Variants in LCA5 observed in about 807,000 individuals in gnomAD.
LCA5 encodes lebercilin LCA5.
A neutral mutation model predicts 53.0 loss-of-function variants in LCA5; 37 were observed. That is an observed-to-expected ratio of 0.70 (90% CI 0.54 to 0.92). LCA5 has a LOEUF of 0.92. LCA5 is among the 40% of genes least tolerant of loss of function. The probability of loss-of-function intolerance (pLI) is 0.00; values close to 1 mark genes in which losing one functional copy is unlikely to be tolerated. For missense variants in LCA5, 806 were observed against 790.5 expected, an observed-to-expected ratio of 1.02 and a Z score of -0.23; for synonymous variants, 303 against 282.9, an observed-to-expected ratio of 1.07 and a Z score of -0.71.
At chr6:79,514,501 C>G (rs924425171) in intron 2 of LCA5, among the ~76,000 whole-genome samples, 1 of 152,052 alleles carries the variant, frequency 6.6e-6, no homozygotes, top group Non-Finnish European at 1.5e-5. Flanking sequence ...CCCAGCAATT[C>G]CATTACTGGG....
chr6:79,490,675 AAAAT>A (rs1029914053), intron 6 of LCA5, among the ~76,000 whole-genome samples: 1 of 152,154 alleles, frequency 6.6e-6, no homozygotes, highest in African/African-American at 2.4e-5. Context: ...TTATCAAACA[AAAAT>A]AAATAAACAA....
At chr6:79,518,620 TA>T in intron 2 of LCA5, 84 bp downstream of exon 2, 1 of 1,233,724 alleles carries the variant, frequency 8.1e-7, no homozygotes, top group Non-Finnish European at 1.2e-6. Context: ...TATATACTAA[TA>T]AAAGAGTATC....
chr6:79,513,148 G>C (rs1198519647), intron 3 of LCA5, 64 bp downstream of exon 3: 1 of 1,439,800 alleles, frequency 6.9e-7, no homozygotes, highest in South Asian at 1.1e-5. Flanking sequence ...TTTTAAGAGA[G>C]CACATTAAAT....
intron 1 of LCA5, among the ~76,000 whole-genome samples, chr6:79,519,964 A>AT (rs1766579778): frequency 6.6e-6 from 1 of 152,052 alleles, no homozygotes; most frequent in Admixed American, 6.6e-5. Flanking sequence ...ATTATTAAAG[A>AT]TTTTTCGAAA....
At chr6:79,511,539 CTTGA>C (rs1770409943) in intron 3 of LCA5, among the ~76,000 whole-genome samples, 1 of 152,056 alleles carries the variant, frequency 6.6e-6, no homozygotes. Context: ...TGGTCTATAT[CTTGA>C]TTATGTTGGT....
chr6:79,530,692 A>T (rs1766933333), intron 1 of LCA5, among the ~76,000 whole-genome samples: 1 of 152,154 alleles, frequency 6.6e-6, no homozygotes, highest in Non-Finnish European at 1.5e-5. Flanking sequence ...TAACAACCCA[A>T]ATAACTTAAC....
intron 1 of LCA5, among the ~76,000 whole-genome samples, chr6:79,532,599 G>A (rs1317062108): frequency 3.3e-5 from 5 of 152,106 alleles, no homozygotes; most frequent in African/African-American, 1.2e-4. Flanking sequence ...CTTAGTACTT[G>A]CTGCACTAAT....
chr6:79,491,748 T>G lies in LCA5; in HGVS notation c.956-18A>C. ...GCATGCAGCTACAGTGAAAATTATT[T>G]TTAAAAAATTATTACAATGAATAAT... On this transcript the variant is annotated intron_variant, in intron 5 of 7. Coordinates refer to ENST00000369846, the MANE Select transcript of LCA5 (RefSeq NM_001122769.3). 6.2e-7 allele frequency: 1 copy of G among 1,608,402 alleles called. No individual in the cohort carries two copies. The highest frequency in any genetic ancestry group is 8.5e-7 in the Non-Finnish European group (1 of 1,176,088).
chr6:79,519,115 A>C, intron 1 of LCA5, 30 bp from the exon 2 acceptor site: 1 of 591,320 alleles, frequency 1.7e-6, no homozygotes, highest in Non-Finnish European at 3.0e-6. Context: ...AAGGAGACTT[A>C]TCATACAGTC....
chr6:79,518,947 A>G lies in LCA5; in HGVS notation c.-53T>C. ...TAATTTCACAGATTATTTTCTCCAGAGGAGACTATGACAATACTGAAAAAC... is the reference window on the plus strand; with the variant it reads ...TAATTTCACAGATTATTTTCTCCAGGGGAGACTATGACAATACTGAAAAAC... On this transcript the variant is annotated 5_prime_UTR_variant, in exon 2 of 8. Transcript: ENST00000369846. 3.9e-6 allele frequency: 6 copies of G among 1,526,758 alleles called. No individual in the cohort carries two copies. The highest frequency in any genetic ancestry group is 5.5e-6 in the Non-Finnish European group (6 of 1,100,484). 94.6% of individuals were successfully genotyped at this position (1,526,758 alleles called of 1,614,324 possible).
chr6:79,511,463 G>C (rs1477779024), intron 3 of LCA5, among the ~76,000 whole-genome samples: 2 of 152,196 alleles, frequency 1.3e-5, no homozygotes, highest in African/African-American at 4.8e-5. Flanking sequence ...ATAGGTTAGT[G>C]AGGGGAAGGC....
At chr6:79,489,354 T>TCA (rs1769773291) in intron 6 of LCA5, 138 bp from the exon 7 acceptor site, 2 of 812,094 alleles carry the variant, frequency 2.5e-6, no homozygotes, top group African/African-American at 3.5e-5. Context: ...AATCAGTAAA[T>TCA]CACAAGTTAT....
At chr6:79,530,918 G>A (rs1264332786) in intron 1 of LCA5, among the ~76,000 whole-genome samples, 2 of 152,140 alleles carry the variant, frequency 1.3e-5, no homozygotes, top group African/African-American at 4.8e-5. Context: ...GGTAAAGGAA[G>A]TAATTATTAA....
At chr6:79,497,476 T>A (rs1051624076) in intron 3 of LCA5, among the ~76,000 whole-genome samples, 1 of 152,024 alleles carries the variant, frequency 6.6e-6, no homozygotes, top group African/African-American at 2.4e-5. Flanking sequence ...CTATACACAA[T>A]GAAACATAAG....
chr6:79,525,521 A>T (rs778488950), intron 1 of LCA5, among the ~76,000 whole-genome samples: 27 of 152,222 alleles, frequency 1.8e-4, no homozygotes, highest in Non-Finnish European at 3.7e-4. Flanking sequence ...TCCAAATGTC[A>T]ATCCCAACTG....
intron 1 of LCA5, among the ~76,000 whole-genome samples, chr6:79,519,945 G>A (rs1388284569): frequency 6.6e-6 from 1 of 151,750 alleles, no homozygotes; most frequent in Admixed American, 6.6e-5. Flanking sequence ...CTCCAAAAAG[G>A]CAACATAAAT....
rs761494084 is a variant in LCA5, at chr6:79,487,086, C to T, written c.2012G>A (p.Arg671Gln). 3.7e-6 allele frequency: 6 copies of T among 1,613,830 alleles called. No homozygotes were observed. The highest frequency in any genetic ancestry group is 3.3e-5 in the Admixed American group (2 of 60,002). ...EGRSFNPNRH[R>Q]LKHADDKPAV... ...TGGTTTATCGTCTGCATGTTTTAAT[C>T]GGTGCCTATTTGGATTAAAACTTCT... Residue 671 changes from arginine (R) to glutamine (Q), a missense_variant, in exon 8 of 8, where the codon CGA (arginine) becomes CAA (glutamine). Arg to Gln is a conservative substitution (Grantham distance 43). Transcript: ENST00000369846.
intron 2 of LCA5, among the ~76,000 whole-genome samples, chr6:79,515,920 T>C (rs1471234958): frequency 6.6e-6 from 1 of 152,072 alleles, no homozygotes; most frequent in Non-Finnish European, 1.5e-5. Flanking sequence ...AACTATGCTA[T>C]CCATTATGGT....
At chr6:79,535,588 A>T (rs908409434) in intron 1 of LCA5, among the ~76,000 whole-genome samples, 1 of 152,136 alleles carries the variant, frequency 6.6e-6, no homozygotes, top group Non-Finnish European at 1.5e-5. Context: ...TTCAAGCAGG[A>T]CAGCTTTGGC....
Sources: allele counts gnomAD v4.1 joint callset (sites outside exome capture counted in the v4.1 genomes callset), GRCh38; gene constraint gnomAD v4.1.1; transcripts MANE v1.5; gene names NCBI Gene and HGNC (gene_info 2026-07-23, HGNC 2026-07-21).